Variants in GBX2 observed in about 807,000 individuals in gnomAD.
GBX2 encodes the protein homeobox protein GBX-2.
A neutral mutation model predicts 22.4 loss-of-function variants in GBX2; 5 were observed. That is an observed-to-expected ratio of 0.22 (90% CI 0.12 to 0.47). The LOEUF (loss-of-function observed/expected upper bound fraction) is 0.47. Ranked by LOEUF, GBX2 falls within the 20% of genes least tolerant of loss-of-function variation. The pLI is 0.99. For missense variants in GBX2, 470 were observed against 495.4 expected (o/e 0.95, Z 0.49); for synonymous variants, 220 against 230.5 (o/e 0.95, Z 0.41).
In GBX2 at chr2:236,166,249, C is replaced by T. The variant is rs1356567525; in HGVS notation, c.712G>A (p.Ala238Thr). Reference protein sequence around the residue: ...LEETPPSSGAAGSTTSTGKNR... With the variant: ...LEETPPSSGATGSTTSTGKNR... The stretch of plus-strand genomic sequence containing the variant: ...TTGCCCGTAGACGTGGTGCTGCCCG[C>T]GGCGCCGCTGCTCGGCGGGGTCTCC... The change falls in exon 2 of 2, where the codon GCG becomes ACG. Residue 238 changes from alanine to threonine, a missense_variant. Ala to Thr is a moderately conservative substitution (Grantham distance 58). This residue lies in a region of GBX2 where 377 missense variants were observed against 358.6 expected (regional missense o/e 1.05). Coordinates refer to ENST00000306318, the MANE Select transcript of GBX2 (RefSeq NM_001485.4). This position sits in a 1 kb window ranked among gnomAD's most constrained non-coding sequence, Gnocchi z 6.6. 1 of 1,613,414 alleles carries T rather than the reference C, an allele frequency of 6.2e-7. No individual in the cohort carries two copies. The highest frequency in any genetic ancestry group is 8.5e-7 in the Non-Finnish European group (1 of 1,179,938).
chr2:236,168,068 C>G lies in GBX2; in HGVS notation c.-97G>C, dbSNP rs568473433. 4,737 of 1,277,450 alleles carry G rather than the reference C, an allele frequency of 3.7e-3. 88 individuals carry two copies. The African/African-American group carries it at 0.044, about 12-fold the overall frequency. The allele number at this position is 1,277,450 out of a possible 1,614,324, so 79.1% of individuals were successfully genotyped here. ...ACGCCGGGAGCACCGCCGGGAGCGC[C>G]GGGCAGGGGCCGAGCGGGACCCGGA... On this transcript the variant is annotated 5_prime_UTR_variant, in exon 1 of 2. Coordinates refer to ENST00000306318, the MANE Select transcript of GBX2 (RefSeq NM_001485.4).
chr2:236,165,360 G>A lies in GBX2; in HGVS notation c.*554C>T, dbSNP rs2060232594. Reference sequence around the variant, plus strand: ...AACACAACGGAGACGTGCTTCACATGGCTCAGATAGGATAGGCAACCCCAG... The same window carrying A: ...AACACAACGGAGACGTGCTTCACATAGCTCAGATAGGATAGGCAACCCCAG... On this transcript the variant is annotated 3_prime_UTR_variant, in exon 2 of 2. Coordinates refer to ENST00000306318, the MANE Select transcript of GBX2 (RefSeq NM_001485.4). The A allele has an allele frequency of 6.5e-6, 1 of 152,794 alleles. No homozygotes were observed. The highest frequency in any genetic ancestry group is 6.5e-5 in the Admixed American group (1 of 15,374). 9.5% of individuals were successfully genotyped at this position (152,794 alleles called of 1,614,324 possible). A position where few individuals can be genotyped will look rare whatever the true frequency, so the allele number is the denominator to read the frequency against.
downstream of GBX2, among the ~76,000 whole-genome samples, chr2:236,162,270 G>C (rs1217298311): frequency 6.6e-6 from 1 of 152,142 alleles, no homozygotes; most frequent in Non-Finnish European, 1.5e-5. Flanking sequence ...AAAAAAGCCT[G>C]GGGGGGCCAC....
intron 1 of GBX2, 100 bp downstream of exon 1, chr2:236,167,349 G>A (rs1472050661): frequency 7.2e-7 from 1 of 1,391,022 alleles, no homozygotes; most frequent in African/African-American, 1.5e-5. Context: ...GTCGAGCGGG[G>A]GCGCGGCCTC....
chr2:236,167,252 C>T (rs2060245185), intron 1 of GBX2, 197 bp downstream of exon 1: 1 of 1,463,180 alleles, frequency 6.8e-7, no homozygotes, highest in Non-Finnish European at 9.3e-7. Flanking sequence ...CCCCCCCTCC[C>T]GAGACCCCGC....
At chr2:236,162,660 G>A (rs915030606), downstream of GBX2, among the ~76,000 whole-genome samples, 6 of 152,186 alleles carry the variant, frequency 3.9e-5, no homozygotes, top group African/African-American at 7.2e-5. Flanking sequence ...TGCCTGGGTC[G>A]GTGGCTGCGG....
Position 236,167,892 on chromosome 2 carries a change from A to G in GBX2, c.80T>C (p.Leu27Pro). The change falls in exon 1 of 2, where the codon CTG becomes CCG. Residue 27 changes from leucine to proline, a missense_variant. Leu to Pro is a moderately conservative substitution (Grantham distance 98). Coordinates refer to ENST00000306318, the MANE Select transcript of GBX2 (RefSeq NM_001485.4). The part of the protein sequence containing the change: ...GSSTAFSIDS[L>P]IGSPPQPSPG... ...GCTGGGCTGCGGCGGGCTGCCGATCAGCGAGTCTATGCTGAAGGCGGTGCT... is the reference window on the plus strand; with the variant it reads ...GCTGGGCTGCGGCGGGCTGCCGATCGGCGAGTCTATGCTGAAGGCGGTGCT... 1 of 1,556,576 alleles carries G rather than the reference A, an allele frequency of 6.4e-7. No homozygotes were observed. Among genetic ancestry groups the G allele is most frequent in the Non-Finnish European group, 8.7e-7 (1 of 1,154,712 alleles).
At position 236,167,724 on chromosome 2, in the gene GBX2, A is replaced by G. The variant is rs1428927301; in HGVS notation, c.248T>C (p.Ile83Thr). 2.3e-5 allele frequency: 36 copies of G among 1,555,596 alleles called. No homozygotes were observed. The highest frequency in any genetic ancestry group is 9.3e-5 in the Admixed American group (5 of 53,534). ...GCAGAAGCCTGTGGGCAGGCTGGGG[A>G]TCTGGTGGTGAGGGTGTGCGGGCGG... Reference protein sequence around the residue: ...ALPPAHPHHQIPSLPTGFCSS... With the variant: ...ALPPAHPHHQTPSLPTGFCSS... The change falls in exon 1 of 2, where the codon ATC (isoleucine) becomes ACC (threonine). Residue 83 changes from isoleucine to threonine, a missense_variant. Ile to Thr is a moderately conservative substitution (Grantham distance 89). This residue lies in a region of GBX2 where 377 missense variants were observed against 358.6 expected (regional missense o/e 1.05). Transcript: ENST00000306318.
At chr2:236,167,346 G>A (rs1005142954) in intron 1 of GBX2, 103 bp downstream of exon 1, 80 of 1,384,778 alleles carry the variant, frequency 5.8e-5, no homozygotes, top group Non-Finnish European at 7.2e-5. Context: ...GGGGTCGAGC[G>A]GGGGCGCGGC....
chr2:236,165,356 A>G lies in GBX2; in HGVS notation c.*558T>C, dbSNP rs1046988450. 7 of 152,856 alleles carry G rather than the reference A, an allele frequency of 4.6e-5. No homozygotes were observed. Among genetic ancestry groups the G allele is most frequent in the African/African-American group, 1.7e-4 (7 of 41,472 alleles). 9.5% of individuals were successfully genotyped at this position (152,856 alleles called of 1,614,324 possible). On this transcript the variant is annotated 3_prime_UTR_variant, in exon 2 of 2. Transcript: ENST00000306318. The stretch of plus-strand genomic sequence containing the variant: ...AATTAACACAACGGAGACGTGCTTC[A>G]CATGGCTCAGATAGGATAGGCAACC...
At position 236,168,075 on chromosome 2, in the gene GBX2, G is replaced by A; in HGVS notation, c.-104C>T. 1 of 1,233,906 alleles carries A rather than the reference G, an allele frequency of 8.1e-7. No individual in the cohort carries two copies. Among genetic ancestry groups the A allele is most frequent in the South Asian group, 2.1e-5 (1 of 46,622 alleles). 76.4% of individuals were successfully genotyped at this position (1,233,906 alleles called of 1,614,324 possible). ...GAGCACCGCCGGGAGCGCCGGGCAG[G>A]GGCCGAGCGGGACCCGGAGAGCAGA... On this transcript the variant is annotated 5_prime_UTR_variant, in exon 1 of 2. Transcript: ENST00000306318.
Position 236,167,866 on chromosome 2 carries a change from G to T in GBX2, c.106C>A (p.Pro36Thr). Residue 36 changes from proline to threonine, a missense_variant, in exon 1 of 2, where the codon CCC (proline) becomes ACC (threonine). By Grantham distance (38) the Pro-to-Thr change is conservative. This residue lies in a region of GBX2 where 377 missense variants were observed against 358.6 expected (regional missense o/e 1.05). Coordinates refer to ENST00000306318, the MANE Select transcript of GBX2 (RefSeq NM_001485.4). ...TAGCCGGTGTAGACGAAATGGCCGG[G>T]GCTGGGCTGCGGCGGGCTGCCGATC... ...SLIGSPPQPS[P>T]GHFVYTGYPM... 1.3e-6 allele frequency: 2 copies of T among 1,546,800 alleles called. No individual in the cohort carries two copies. Among genetic ancestry groups the T allele is most frequent in the Non-Finnish European group, 1.7e-6 (2 of 1,149,462 alleles).
rs747326842 is a variant in GBX2 at position 236,166,289 on chromosome 2, C to G, written c.672G>C (p.Pro224=). ...TGQAAHKEED[P]GHALEETPPS... ...GCGGGGTCTCCTCCAGCGCGTGGCC[C>G]GGGTCTTCCTCCTTGTGAGCTGCCT... The change falls in exon 2 of 2, where the codon CCG becomes CCC. Residue 224 remains proline (P), a synonymous_variant. Coordinates refer to ENST00000306318, the MANE Select transcript of GBX2 (RefSeq NM_001485.4). The surrounding 1 kb of genome is among the most constrained non-coding windows in gnomAD (Gnocchi z 6.6). 1 of 1,613,796 alleles carries G rather than the reference C, an allele frequency of 6.2e-7. No homozygotes were observed. Among genetic ancestry groups the G allele is most frequent in the African/African-American group, 1.3e-5 (1 of 75,052 alleles).
At position 236,168,372 on chromosome 2, in the gene GBX2, G is replaced by T. The variant is rs1277207512; in HGVS notation, c.-401C>A. On this transcript the variant is annotated 5_prime_UTR_variant, in exon 1 of 2. Coordinates refer to ENST00000306318, the MANE Select transcript of GBX2 (RefSeq NM_001485.4). ...GCCGGCGTACTTATCTCCGGCGGGC[G>T]CAGCCAGCACCTTTAAATCGCGCTC... 1 of 157,336 alleles carries T rather than the reference G, an allele frequency of 6.4e-6. No individual in the cohort carries two copies. The highest frequency in any genetic ancestry group is 2.4e-5 in the African/African-American group (1 of 41,696). 9.7% of individuals were successfully genotyped at this position (157,336 alleles called of 1,614,324 possible).
chr2:236,167,465 C>G lies in GBX2; in HGVS notation c.507G>C (p.Thr169=). The G allele has an allele frequency of 6.3e-7, 1 of 1,577,176 alleles. No homozygotes were observed. Among genetic ancestry groups the G allele is most frequent in the South Asian group, 1.1e-5 (1 of 88,496 alleles). Residue 169 remains threonine, a synonymous_variant, in exon 1 of 2, where the codon ACG becomes ACC. Transcript: ENST00000306318. ...GSLLAFSAAE[T]VQASLVGAVR... The stretch of plus-strand genomic sequence containing the variant: ...CCGACTCACCGAGCGAAGCCTGCAC[C>G]GTCTCGGCCGCGGAGAAGGCGAGCA...
rs1209344841 is a variant in GBX2, at chr2:236,166,006, G to T, written c.955C>A (p.Arg319=). 2 of 1,614,174 alleles carry T rather than the reference G, an allele frequency of 1.2e-6. No individual in the cohort carries two copies. The highest frequency in any genetic ancestry group is 2.2e-5 in the South Asian group (2 of 91,086). The change falls in exon 2 of 2, where the codon CGG becomes AGG. Residue 319 remains arginine (R), a synonymous_variant. Coordinates refer to ENST00000306318, the MANE Select transcript of GBX2 (RefSeq NM_001485.4). This position sits in a 1 kb window ranked among gnomAD's most constrained non-coding sequence, Gnocchi z 6.6. ...ATGGGGACGACGATCTTAGGGTTCCGGGAGGGCTCCCCTGTCTTGGAATTG... is the reference window on the plus strand; with the variant it reads ...ATGGGGACGACGATCTTAGGGTTCCTGGAGGGCTCCCCTGTCTTGGAATTG... ...NANSKTGEPS[R]NPKIVVPIPV... is the part of the protein sequence containing the mutation.
At chr2:236,161,651 C>T (rs1203305863), downstream of GBX2, among the ~76,000 whole-genome samples, 7 of 152,196 alleles carry the variant, frequency 4.6e-5, no homozygotes, top group African/African-American at 1.2e-4. Flanking sequence ...GCCAGAAGGT[C>T]GGAGCAGGCC....
downstream of GBX2, chr2:236,165,104 C>T (rs2060230570): frequency 6.6e-6 from 1 of 152,194 alleles, no homozygotes; most frequent in South Asian, 2.1e-4. Flanking sequence ...CTGGGTGGCT[C>T]AAGTCCAGGA....
At position 236,166,529 on chromosome 2, in the gene GBX2, G is replaced by A; in HGVS notation, c.524-92C>T. 2.7e-6 allele frequency: 3 copies of A among 1,094,984 alleles called. No homozygotes were observed. The highest frequency in any genetic ancestry group is 1.3e-6 in the Non-Finnish European group (1 of 747,178). 67.8% of individuals were successfully genotyped at this position (1,094,984 alleles called of 1,614,324 possible). ...GTCATTTGGACATTCCGCGCCCCCC[G>A]CCCCCCACCCTTTAGCGGATTGTCT... is the stretch of plus-strand genomic sequence containing the variant. On this transcript the variant is annotated intron_variant, in intron 1 of 1. Transcript: ENST00000306318. The surrounding 1 kb of genome is among the most constrained non-coding windows in gnomAD (Gnocchi z 6.6).
Sources: allele counts gnomAD v4.1 joint callset (sites outside exome capture counted in the v4.1 genomes callset), GRCh38; gene constraint gnomAD v4.1.1; regional missense constraint gnomAD v4.1.1; non-coding constraint Gnocchi (gnomAD v3.1); transcripts MANE v1.5; gene names NCBI Gene and HGNC (gene_info 2026-07-23, HGNC 2026-07-21).